Variants in SLC25A48 observed in about 807,000 individuals in gnomAD.
SLC25A48 encodes the protein CTC-321K16.1.
In SLC25A48, 29 loss-of-function variants were observed where a neutral mutation model predicts 32.2. The observed-to-expected ratio is 0.90, with a 90% CI of 0.67 to 1.23. The LOEUF (loss-of-function observed/expected upper bound fraction) is 1.23. Ranked by LOEUF, SLC25A48 falls within the 50% of genes most tolerant of loss-of-function variation. The pLI is 0.00. For missense variants in SLC25A48, 399 were observed against 422.7 expected (o/e 0.94, Z 0.49); for synonymous variants, 164 against 172.3 (o/e 0.95, Z 0.38).
chr5:135,700,877 C>A (rs1352160396), intron 3 of SLC25A48, among the ~76,000 whole-genome samples: 3 of 152,212 alleles, frequency 2.0e-5, no homozygotes, highest in African/African-American at 7.2e-5. Context: ...TGCCTCTGCT[C>A]CCAGCTGCTA....
Position 135,715,176 on chromosome 5 carries a change from G to GA in SLC25A48, c.-521+80227dup, listed in dbSNP as rs1305719804. Among the ~76,000 whole-genome samples, 4 of 152,192 alleles carry GA rather than the reference G, an allele frequency of 2.6e-5. No individual in the cohort carries two copies. The East Asian group carries it at 5.8e-4, about 22-fold the overall frequency. On this transcript the variant is annotated intron_variant, in intron 3 of 10. Coordinates refer to the SLC25A48 transcript ENST00000646290. ...GATAGTGAGGCTGATGAGCCACTTC[G>GA]AAAAAAACAGCAGAGGTGCAATGGA...
intron 3 of SLC25A48, among the ~76,000 whole-genome samples, chr5:135,767,956 C>G (rs1421130498): frequency 2.3e-4 from 29 of 126,994 alleles, no homozygotes; most frequent in African/African-American, 9.6e-4. Context: ...TTGTAATATC[C>G]GGGGGGGGGA....
At chr5:135,874,646 T>A in intron 6 of SLC25A48, 1 of 699,142 alleles carries the variant, frequency 1.4e-6, no homozygotes, top group Non-Finnish European at 2.6e-6. Flanking sequence ...ACCCCAGACC[T>A]CTGGTCGTGG....
intron 3 of SLC25A48, among the ~76,000 whole-genome samples, chr5:135,792,492 C>G (rs951354989): frequency 3.3e-5 from 5 of 151,554 alleles, no homozygotes; most frequent in African/African-American, 1.2e-4. Context: ...GGTTGTTAAT[C>G]TTAATGTAAC....
chr5:135,602,273 G>T (rs1172328652), intron 1 of SLC25A48, among the ~76,000 whole-genome samples: 1 of 152,250 alleles, frequency 6.6e-6, no homozygotes, highest in African/African-American at 2.4e-5. Context: ...GTTCACCAAT[G>T]TACTTTCCCC....
In SLC25A48 at chr5:135,595,708, T is replaced by C. The variant is rs556084421; in HGVS notation, c.-849+16111T>C. 2.0e-5 allele frequency among the ~76,000 whole-genome samples: 3 copies of C among 152,366 alleles called. No individual in the cohort carries two copies. The South Asian group carries it at 6.2e-4, about 32-fold the overall frequency. ...CTCTGAGACTCCATTTCTTCATTTGTAAATTAAGTGTAATTATTATTATAT... is the reference window on the plus strand; with the variant it reads ...CTCTGAGACTCCATTTCTTCATTTGCAAATTAAGTGTAATTATTATTATAT... On this transcript the variant is annotated intron_variant, in intron 1 of 10. Transcript: ENST00000646290.
intron 3 of SLC25A48, among the ~76,000 whole-genome samples, chr5:135,735,277 G>A (rs1048640427): frequency 1.3e-5 from 2 of 152,178 alleles, no homozygotes; most frequent in Non-Finnish European, 2.9e-5. Context: ...CTCTATTATT[G>A]TACAACTTGA....
chr5:135,861,234 A>G (rs1364841905), intron 4 of SLC25A48, among the ~76,000 whole-genome samples: 3 of 152,182 alleles, frequency 2.0e-5, no homozygotes, highest in Non-Finnish European at 4.4e-5. Flanking sequence ...TAACCATGTT[A>G]TTAAAATAGC....
intron 3 of SLC25A48, among the ~76,000 whole-genome samples, chr5:135,807,922 A>G (rs929776805): frequency 1.3e-5 from 2 of 150,434 alleles, no homozygotes; most frequent in Non-Finnish European, 3.0e-5. Context: ...TATATTATAA[A>G]TATCTTAGTT....
intron 3 of SLC25A48, among the ~76,000 whole-genome samples, chr5:135,727,623 A>G (rs1409211416): frequency 6.6e-6 from 1 of 152,044 alleles, no homozygotes; most frequent in African/African-American, 2.4e-5. Context: ...TTTGGCTCAT[A>G]TATTGTCAAT....
chr5:135,655,837 A>C (rs1273336004), intron 3 of SLC25A48, among the ~76,000 whole-genome samples: 2 of 152,182 alleles, frequency 1.3e-5, no homozygotes, highest in East Asian at 1.9e-4. Flanking sequence ...TGGGTGTTCT[A>C]TTATTGCTCT....
chr5:135,651,259 C>A (rs1351291742), intron 3 of SLC25A48, among the ~76,000 whole-genome samples: 3 of 152,144 alleles, frequency 2.0e-5, no homozygotes, highest in Non-Finnish European at 4.4e-5. Context: ...GCAGATGGGG[C>A]TTTTTGAGCT....
At chr5:135,733,828 T>C (rs1240381915) in intron 3 of SLC25A48, among the ~76,000 whole-genome samples, 1 of 151,890 alleles carries the variant, frequency 6.6e-6, no homozygotes, top group Non-Finnish European at 1.5e-5. Context: ...GGGGAAAGGA[T>C]TTAGGATTTA....
intron 1 of SLC25A48, among the ~76,000 whole-genome samples, chr5:135,598,109 T>G (rs1179695976): frequency 6.6e-6 from 1 of 151,992 alleles, no homozygotes; most frequent in Non-Finnish European, 1.5e-5. Context: ...CCAAAAGAAC[T>G]CAATGCAAAG....
chr5:135,797,933 G>A (rs966894738), intron 3 of SLC25A48, among the ~76,000 whole-genome samples: 1 of 151,730 alleles, frequency 6.6e-6, no homozygotes, highest in Admixed American at 6.6e-5. Flanking sequence ...TCCCAATACC[G>A]CATGGGGTGT....
At chr5:135,583,825 C>G (rs1751291194) in intron 1 of SLC25A48, among the ~76,000 whole-genome samples, 1 of 152,308 alleles carries the variant, frequency 6.6e-6, no homozygotes, top group East Asian at 1.9e-4. Context: ...CCCTCTCCAG[C>G]TCCTCCCTCT....
chr5:135,579,196 G>GCACACA, upstream of SLC25A48: 2 of 291,704 alleles, frequency 6.9e-6, no homozygotes, highest in Non-Finnish European at 1.3e-5. Context: ...GCGCGCACAC[G>GCACACA]CACACACACA....
At chr5:135,608,869 C>G (rs547286813) in intron 1 of SLC25A48, among the ~76,000 whole-genome samples, 1 of 152,152 alleles carries the variant, frequency 6.6e-6, no homozygotes, top group Non-Finnish European at 1.5e-5. Flanking sequence ...GCTGGACTTG[C>G]TGCTTCTTGG....
intron 3 of SLC25A48, among the ~76,000 whole-genome samples, chr5:135,769,966 G>T (rs536986107): frequency 6.6e-6 from 1 of 150,720 alleles, no homozygotes; most frequent in African/African-American, 2.4e-5. Flanking sequence ...TCCCAATTTC[G>T]CAGGAGGTGT....
Sources: gnomAD v4.1 joint callset for allele counts (sites outside exome capture counted in the v4.1 genomes callset) on GRCh38, gnomAD v4.1.1 for gene constraint, MANE v1.5 for transcripts, NCBI Gene and HGNC (gene_info 2026-07-23, HGNC 2026-07-21) for gene names.